Variants in KLHL42 observed in about 807,000 individuals in gnomAD.
KLHL42 encodes kelch like family member 42.
A neutral mutation model predicts 32.7 loss-of-function variants in KLHL42; 27 were observed. The ratio of observed to expected loss-of-function variants is 0.83; its 90% CI spans 0.61 to 1.14. The LOEUF (loss-of-function observed/expected upper bound fraction) is 1.14. Ranked by LOEUF, KLHL42 falls within the 50% of genes most tolerant of loss-of-function variation. KLHL42 has a pLI of 0.00. For missense variants in KLHL42, 491 were observed against 560.8 expected (o/e 0.88, Z 1.26); for synonymous variants, 267 against 248.2 (o/e 1.08, Z -0.71).
Position 27,797,637 on chromosome 12 carries a change from A to G in KLHL42, c.1067-78A>G, listed in dbSNP as rs75447570. On this transcript the variant is annotated intron_variant, in intron 2 of 2. Transcript: ENST00000381271. ...CTCTTTGTTACCAAATTATGCAGGC[A>G]GAGGTAGACATTTCTGTACAGACTT... 3,748 of 657,630 alleles carry G rather than the reference A, an allele frequency of 5.7e-3. 128 individuals carry two copies. The Admixed American group carries it at 0.066, about 12-fold the overall frequency. The allele number at this position is 657,630 out of a possible 1,614,324, so 40.7% of individuals were successfully genotyped here.
At chr12:27,792,718 T>G (rs2062202860) in intron 2 of KLHL42, among the ~76,000 whole-genome samples, 1 of 152,120 alleles carries the variant, frequency 6.6e-6, no homozygotes, top group African/African-American at 2.4e-5. Context: ...AGATGGGGTT[T>G]CACCATGTTG....
chr12:27,792,049 G>T, intron 2 of KLHL42, 148 bp downstream of exon 2: 1 of 623,200 alleles, frequency 1.6e-6, no homozygotes. Context: ...AAGGAAGAGA[G>T]TTCCATATGG....
intron 1 of KLHL42, among the ~76,000 whole-genome samples, chr12:27,785,064 T>C (rs1169660548): frequency 6.6e-6 from 1 of 152,056 alleles, no homozygotes; most frequent in Non-Finnish European, 1.5e-5. Context: ...GTGAAATTGT[T>C]GCATAGAGGG....
chr12:27,794,251 A>G (rs1040166797), intron 2 of KLHL42, among the ~76,000 whole-genome samples: 5 of 152,104 alleles, frequency 3.3e-5, no homozygotes, highest in East Asian at 1.9e-4. Context: ...GCTCCTTCTG[A>G]GGGCTCTAGG....
chr12:27,789,109 G>A (rs555389724), intron 1 of KLHL42, among the ~76,000 whole-genome samples: 1 of 152,302 alleles, frequency 6.6e-6, no homozygotes, highest in African/African-American at 2.4e-5. Flanking sequence ...CGCTCCCAAG[G>A]TTAAGAAAAA....
Position 27,797,735 on chromosome 12 carries a change from C to T in KLHL42, c.1087C>T (p.Gln363Ter), listed in dbSNP as rs1421866454. ...TTRDRNMNILQYCPSSDMWTL... is the reference protein window; with the variant it reads ...TTRDRNMNIL ...TTCAGACCGGAACATGAACATTTTG[C>T]AGTACTGCCCCTCTTCCGACATGTG... The change falls in exon 3 of 3, where the codon CAG becomes TAG. Residue 363 changes from glutamine (Q) to a stop codon, truncating the protein, a stop_gained. Transcript: ENST00000381271. LOFTEE classifies it high-confidence loss of function. The T allele has an allele frequency of 1.4e-6, 1 of 698,474 alleles. No homozygotes were observed. The highest frequency in any genetic ancestry group is 1.7e-5 in the South Asian group (1 of 60,546). The allele number at this position is 698,474 out of a possible 1,614,324, so 43.3% of individuals were successfully genotyped here.
Position 27,780,446 on chromosome 12 carries a change from G to T in KLHL42, c.116G>T (p.Arg39Leu), listed in dbSNP as rs2062140863. 1.3e-6 allele frequency: 2 copies of T among 1,547,928 alleles called. No individual in the cohort carries two copies. Among genetic ancestry groups the T allele is most frequent in the Non-Finnish European group, 1.7e-6 (2 of 1,147,794 alleles). ...YFRALYRSGMREALSQEAGGP... is the reference protein window; with the variant it reads ...YFRALYRSGMLEALSQEAGGP... ...CGCGCCCTCTACCGCTCCGGCATGC[G>T]CGAGGCCCTGAGCCAGGAGGCCGGC... Residue 39 changes from arginine (R) to leucine (L), a missense_variant, in exon 1 of 3, where the codon CGC becomes CTC. Arg to Leu is a moderately radical substitution (Grantham distance 102, BLOSUM62 -2). Coordinates refer to ENST00000381271, the MANE Select transcript of KLHL42 (RefSeq NM_020782.2). This position sits in a 1 kb window ranked among gnomAD's most constrained non-coding sequence, Gnocchi z 8.8.
chr12:27,788,546 T>C (rs942488941), intron 1 of KLHL42, among the ~76,000 whole-genome samples: 1 of 152,128 alleles, frequency 6.6e-6, no homozygotes, highest in Non-Finnish European at 1.5e-5. Flanking sequence ...CTTTTAGGGG[T>C]TTAAAGAGCT....
rs1367529615 is a variant in KLHL42, at chr12:27,801,316, A to T, written c.*3150A>T. The T allele has an allele frequency of 6.6e-6, 1 of 152,328 alleles. No individual in the cohort carries two copies. 9.4% of individuals were successfully genotyped at this position (152,328 alleles called of 1,614,324 possible). On this transcript the variant is annotated 3_prime_UTR_variant, in exon 3 of 3. Transcript: ENST00000381271. The stretch of plus-strand genomic sequence containing the variant: ...TCTTTCTCTACAAAGGGAGTAATCA[A>T]GTAAATACCTGTTCTCTTTCAATGG...
chr12:27,785,320 C>T (rs1357596794), intron 1 of KLHL42, among the ~76,000 whole-genome samples: 1 of 152,180 alleles, frequency 6.6e-6, no homozygotes, highest in African/African-American at 2.4e-5. Flanking sequence ...CTGCTTCAGC[C>T]TCCCCAGTAG....
rs2062229139 is a variant in KLHL42, at chr12:27,798,268, A to G, written c.*102A>G. The G allele has an allele frequency of 1.5e-6, 1 of 657,954 alleles. No individual in the cohort carries two copies. Among genetic ancestry groups the G allele is most frequent in the East Asian group, 2.5e-5 (1 of 39,830 alleles). The allele number at this position is 657,954 out of a possible 1,614,324, so 40.8% of individuals were successfully genotyped here. ...AATTCCTAAAGGGTAAAGAAGGGTTAAAGTAGGTCACATATATACAGTAGC... is the reference window on the plus strand; with the variant it reads ...AATTCCTAAAGGGTAAAGAAGGGTTGAAGTAGGTCACATATATACAGTAGC... On this transcript the variant is annotated 3_prime_UTR_variant, in exon 3 of 3. Coordinates refer to ENST00000381271, the MANE Select transcript of KLHL42 (RefSeq NM_020782.2).
At chr12:27,791,994 C>G in intron 2 of KLHL42, 93 bp downstream of exon 2, 2 of 1,009,284 alleles carry the variant, frequency 2.0e-6, no homozygotes, top group Non-Finnish European at 3.1e-6. Context: ...CCCGACATAT[C>G]CGAGTGTCAT....
At chr12:27,793,019 G>A (rs1184449241) in intron 2 of KLHL42, among the ~76,000 whole-genome samples, 1 of 152,112 alleles carries the variant, frequency 6.6e-6, no homozygotes, top group Non-Finnish European at 1.5e-5. Context: ...CAAAGTGCTG[G>A]GATTACAGGC....
At chr12:27,796,194 A>G (rs1043901616) in intron 2 of KLHL42, among the ~76,000 whole-genome samples, 1 of 152,204 alleles carries the variant, frequency 6.6e-6, no homozygotes, top group African/African-American at 2.4e-5. Context: ...CGCGCACAGG[A>G]CTTGGCTCTC....
chr12:27,789,300 A>T (rs981602123), intron 1 of KLHL42, among the ~76,000 whole-genome samples: 10 of 152,244 alleles, frequency 6.6e-5, no homozygotes, highest in African/African-American at 2.4e-4. Context: ...GTCTAAGGTC[A>T]GACAGCAATT....
intron 2 of KLHL42, chr12:27,797,134 C>CCAAAA: frequency 2.7e-6 from 1 of 369,894 alleles, no homozygotes; most frequent in Non-Finnish European, 5.3e-6. Context: ...TAAAAAAAAA[C>CCAAAA]AAAAAAAAAA....
intron 2 of KLHL42, among the ~76,000 whole-genome samples, chr12:27,793,304 C>T (rs928147049): frequency 2.0e-5 from 3 of 152,016 alleles, no homozygotes; most frequent in Non-Finnish European, 4.4e-5. Flanking sequence ...GCTTGGGAGG[C>T]TGAGGCAGGA....
intron 1 of KLHL42, among the ~76,000 whole-genome samples, chr12:27,789,800 T>C (rs1216662784): frequency 6.6e-6 from 1 of 152,114 alleles, no homozygotes. Context: ...CTGACGTCTG[T>C]TGGCACAAAA....
intron 1 of KLHL42, among the ~76,000 whole-genome samples, chr12:27,782,228 G>C (rs1591813168): frequency 2.0e-5 from 3 of 152,266 alleles, no homozygotes; most frequent in Admixed American, 2.0e-4. Flanking sequence ...TTATATATCT[G>C]TTTATTTGAC....
Sources: gnomAD v4.1 joint callset for allele counts (sites outside exome capture counted in the v4.1 genomes callset) on GRCh38, gnomAD v4.1.1 for gene constraint, Gnocchi (gnomAD v3.1) non-coding constraint, MANE v1.5 for transcripts, NCBI Gene and HGNC (gene_info 2026-07-23, HGNC 2026-07-21) for gene names.